STRIP2: variants seen among roughly 807,000 people sequenced by gnomAD.
The protein encoded by STRIP2 is striatin interacting protein 2.
In STRIP2, 84 loss-of-function variants were observed where a neutral mutation model predicts 107.1. That is an observed-to-expected ratio of 0.78 (90% CI 0.66 to 0.94). The LOEUF (loss-of-function observed/expected upper bound fraction) is 0.94. STRIP2 is among the 40% of genes least tolerant of loss of function. The pLI is 0.00. For synonymous variants in STRIP2, 394 were observed against 400.4 expected (o/e 0.98, Z 0.19); for missense variants, 888 against 1,034.2 (o/e 0.86, Z 1.94).
At chr7:129,451,142 T>G (rs1482761951) in intron 3 of STRIP2, among the ~76,000 whole-genome samples, 1 of 151,894 alleles carries the variant, frequency 6.6e-6, no homozygotes, top group Admixed American at 6.6e-5. Flanking sequence ...TTCACCGTTT[T>G]TTTAGCCGGG....
intron 19 of STRIP2, among the ~76,000 whole-genome samples, chr7:129,481,118 T>C (rs773990235): frequency 6.6e-6 from 1 of 152,218 alleles, no homozygotes; most frequent in African/African-American, 2.4e-5. Context: ...AGGGCAACTC[T>C]AGCAGGGAAG....
chr7:129,438,431 T>C (rs1030056247), intron 1 of STRIP2, among the ~76,000 whole-genome samples: 1 of 152,130 alleles, frequency 6.6e-6, no homozygotes, highest in African/African-American at 2.4e-5. Flanking sequence ...AATCATAGAG[T>C]GACCACTCAC....
chr7:129,438,026 C>T (rs1434405621), intron 1 of STRIP2, among the ~76,000 whole-genome samples: 2 of 152,100 alleles, frequency 1.3e-5, no homozygotes, highest in Non-Finnish European at 1.5e-5. Flanking sequence ...AGGATGGTCT[C>T]GATCTCCTGA....
chr7:129,466,804 C>G (rs1392683235), intron 16 of STRIP2, among the ~76,000 whole-genome samples: 1 of 152,066 alleles, frequency 6.6e-6, no homozygotes, highest in East Asian at 1.9e-4. Flanking sequence ...TCCCCCTTTC[C>G]CCCATACTCC....
In STRIP2 at chr7:129,464,039, C is replaced by G. The variant is rs1335101014; in HGVS notation, c.1552-5C>G. On this transcript the variant is annotated splice_region_variant and splice_polypyrimidine_tract_variant and intron_variant, in intron 14 of 20. Coordinates refer to ENST00000249344, the MANE Select transcript of STRIP2 (RefSeq NM_020704.3). ...TGGTAAATTTCTTTATTTTCTACTT[C>G]TCAGATCGCTCTGCTTAAGATTCTG... 5.6e-6 allele frequency: 9 copies of G among 1,612,380 alleles called. No individual in the cohort carries two copies. The highest frequency in any genetic ancestry group is 1.7e-4 in the Middle Eastern group (1 of 6,036).
At chr7:129,451,835 T>C in intron 4 of STRIP2, 88 bp downstream of exon 4, 3 of 1,528,840 alleles carry the variant, frequency 2.0e-6, no homozygotes, top group African/African-American at 2.7e-5. Context: ...CAGGCTGTGC[T>C]GGGAAAGCAA....
In STRIP2 at chr7:129,482,375, A is replaced by ATT. The variant is rs1325271361; in HGVS notation, c.2050-466_2050-465insTT. ...TCTCTCTATATATATATATATATAT[A>ATT]TATTTTTTTTTTTTTTTTTTGAGAC... On this transcript the variant is annotated intron_variant, in intron 19 of 20. Transcript: ENST00000249344. Among the ~76,000 whole-genome samples the ATT allele has an allele frequency of 1.4e-3, 116 of 80,098 alleles. 1 individual carries two copies. The highest frequency in any genetic ancestry group is 1.8e-3 in the Non-Finnish European group (82 of 44,450). 52.5% of individuals were successfully genotyped at this position (80,098 alleles called of 152,430 possible).
In STRIP2 at chr7:129,452,821, C is replaced by G. The variant is rs137931373; in HGVS notation, c.410-406C>G. On this transcript the variant is annotated intron_variant, in intron 4 of 20. Transcript: ENST00000249344. ...GATGGATAGCCTGACTGTCTCACCC[C>G]TCTTGGATAGAATAACTGTGAGTTG... 3.4e-4 allele frequency among the ~76,000 whole-genome samples: 52 copies of G among 152,328 alleles called. 1 individual carries two copies. In the East Asian group the frequency reaches 8.7e-3, roughly 25 times the overall value.
intron 15 of STRIP2, among the ~76,000 whole-genome samples, 184 bp from the exon 16 acceptor site, chr7:129,464,428 T>A (rs691183): frequency 0.62 from 93,362 of 151,676 alleles, 29,322 homozygotes; most frequent in East Asian, 0.95. Context: ...AACAAAGAGA[T>A]CAGTGGAGCA....
At chr7:129,439,659 G>C (rs924193270) in intron 1 of STRIP2, among the ~76,000 whole-genome samples, 1 of 152,120 alleles carries the variant, frequency 6.6e-6, no homozygotes, top group East Asian at 1.9e-4. Flanking sequence ...CTAGAATCCA[G>C]TTCTCTTTGT....
chr7:129,438,315 A>G (rs1462753204), intron 1 of STRIP2, among the ~76,000 whole-genome samples: 1 of 152,258 alleles, frequency 6.6e-6, no homozygotes, highest in East Asian at 1.9e-4. Context: ...TAAATATTCA[A>G]TAAGGAACTA....
chr7:129,465,080 G>A (rs145476974), intron 16 of STRIP2, among the ~76,000 whole-genome samples: 54 of 152,116 alleles, frequency 3.5e-4, no homozygotes, highest in African/African-American at 6.0e-4. Context: ...TATGTTGACC[G>A]TAGTTTTCTA....
chr7:129,467,270 G>C, intron 16 of STRIP2, 80 bp from the exon 17 acceptor site: 1 of 1,011,074 alleles, frequency 9.9e-7, no homozygotes. Context: ...TATTAGATTT[G>C]TATTTCCTCT....
In STRIP2 at chr7:129,483,405, A is replaced by C; in HGVS notation, c.2254+359A>C. On this transcript the variant is annotated intron_variant, in intron 20 of 20. Transcript: ENST00000249344. This position sits in a 1 kb window ranked among gnomAD's most constrained non-coding sequence, Gnocchi z 5.1. ...AAAAGATAGAAAATACAAGTAAACA[A>C]ACATTTTACTATATTATATTTATGC... 1.2e-6 allele frequency: 1 copy of C among 801,810 alleles called. No individual in the cohort carries two copies. 49.7% of individuals were successfully genotyped at this position (801,810 alleles called of 1,614,324 possible).
chr7:129,453,429 T>C (rs1038191254), intron 5 of STRIP2, 82 bp downstream of exon 5: 4 of 1,551,140 alleles, frequency 2.6e-6, no homozygotes, highest in Non-Finnish European at 3.5e-6. Context: ...CTTCCCTCAC[T>C]ATAGAGACCC....
chr7:129,442,629 A>G (rs1376384391), intron 2 of STRIP2, among the ~76,000 whole-genome samples: 1 of 152,202 alleles, frequency 6.6e-6, no homozygotes, highest in Admixed American at 6.5e-5. Flanking sequence ...AGCCTTGCCC[A>G]CTTTTCTGAT....
intron 11 of STRIP2, among the ~76,000 whole-genome samples, chr7:129,459,167 A>G (rs1798455869): frequency 6.6e-6 from 1 of 152,238 alleles, no homozygotes; most frequent in Admixed American, 6.5e-5. Context: ...AGCCTCATGA[A>G]TCCTTCCCAC....
rs1217281999 is a variant in STRIP2 at position 129,486,826 on chromosome 7, CAT to C, written c.*998_*999del. Reference sequence around the variant, plus strand: ...TTTATTGCTAGCAGTTTCAAAGTGTCATGTGGAGATTTAGCAATACTGTCTCT... The same window carrying C: ...TTTATTGCTAGCAGTTTCAAAGTGTCGTGGAGATTTAGCAATACTGTCTCT... On this transcript the variant is annotated 3_prime_UTR_variant, in exon 21 of 21. Coordinates refer to ENST00000249344, the MANE Select transcript of STRIP2 (RefSeq NM_020704.3). 1.3e-5 allele frequency: 2 copies of C among 151,938 alleles called. No homozygotes were observed. The highest frequency in any genetic ancestry group is 2.9e-5 in the Non-Finnish European group (2 of 68,002). 9.4% of individuals were successfully genotyped at this position (151,938 alleles called of 1,614,324 possible). A position where few individuals can be genotyped will look rare whatever the true frequency, so the allele number is the denominator to read the frequency against.
intron 3 of STRIP2, among the ~76,000 whole-genome samples, chr7:129,445,030 C>G (rs1318365726): frequency 6.6e-6 from 1 of 152,150 alleles, no homozygotes; most frequent in Non-Finnish European, 1.5e-5. Context: ...TTCTGTATTC[C>G]CTTTGCATTC....
Sources: gnomAD v4.1 joint callset for allele counts (sites outside exome capture counted in the v4.1 genomes callset) on GRCh38, gnomAD v4.1.1 for gene constraint, Gnocchi (gnomAD v3.1) non-coding constraint, MANE v1.5 for transcripts, NCBI Gene and HGNC (gene_info 2026-07-23, HGNC 2026-07-21) for gene names.